SLC9A7: variants seen among roughly 807,000 people sequenced by gnomAD.
SLC9A7 encodes solute carrier family 9 member A7, also known as sodium/hydrogen exchanger 7.
In SLC9A7, 19 loss-of-function variants were observed where a neutral mutation model predicts 52.6. That is an observed-to-expected ratio of 0.36 (90% CI 0.25 to 0.53). The LOEUF is 0.53. Among genes scored for constraint, SLC9A7 ranks in the 20% least tolerant of loss-of-function variants. The probability of loss-of-function intolerance (pLI) is 0.91; values close to 1 mark genes in which losing one functional copy is unlikely to be tolerated. For missense variants in SLC9A7, 455 were observed against 597.9 expected, an observed-to-expected ratio of 0.76 and a Z score of 2.49; for synonymous variants, 226 against 252.1, an observed-to-expected ratio of 0.90 and a Z score of 0.98.
chrX:46,614,171 G>C (rs910698229), intron 15 of SLC9A7, among the ~76,000 whole-genome samples: 1 of 111,489 alleles, frequency 9.0e-6, no homozygotes, highest in African/African-American at 3.3e-5. Context: ...TTATGATGCA[G>C]TTACATCCCA....
intron 14 of SLC9A7, among the ~76,000 whole-genome samples, chrX:46,627,792 T>G (rs1943157193): frequency 4.8e-5 from 5 of 103,098 alleles, no homozygotes; most frequent in Admixed American, 1.0e-4. Flanking sequence ...GGGGGGGCGG[T>G]GGTCACAGAG....
intron 13 of SLC9A7, among the ~76,000 whole-genome samples, chrX:46,633,541 G>C (rs1012583263): frequency 9.2e-6 from 1 of 109,130 alleles, no homozygotes; most frequent in African/African-American, 3.3e-5. Context: ...TTCCTACAAA[G>C]AGCCCCACCC....
chrX:46,697,930 G>C (rs1052571417), intron 1 of SLC9A7, among the ~76,000 whole-genome samples: 1 of 111,243 alleles, frequency 9.0e-6, no homozygotes, highest in African/African-American at 3.3e-5. Flanking sequence ...TGGCCCCCCT[G>C]GGCATGGCCA....
intron 1 of SLC9A7, among the ~76,000 whole-genome samples, chrX:46,686,705 T>C (rs1944300576): frequency 8.9e-6 from 1 of 111,735 alleles, no homozygotes; most frequent in African/African-American, 3.3e-5. Flanking sequence ...CAGCCTAGTG[T>C]TCTAGATCAC....
At chrX:46,738,059 GAAAGAA>G (rs1945155411) in intron 1 of SLC9A7, among the ~76,000 whole-genome samples, 1 of 60,910 alleles carries the variant, frequency 1.6e-5, no homozygotes. Flanking sequence ...AAGAAAGAAA[GAAAGAA>G]AGAAAGAAAG....
intron 15 of SLC9A7, among the ~76,000 whole-genome samples, chrX:46,618,137 A>T (rs1427965165): frequency 9.0e-6 from 1 of 111,594 alleles, no homozygotes; most frequent in Non-Finnish European, 1.9e-5. Context: ...GAAACAGAGC[A>T]GAGCATTTGG....
At chrX:46,633,586 G>C (rs1306768127) in intron 13 of SLC9A7, among the ~76,000 whole-genome samples, 2 of 109,345 alleles carry the variant, frequency 1.8e-5, no homozygotes, top group Non-Finnish European at 3.8e-5. Flanking sequence ...TGATCTCTGG[G>C]AAGAGGAGGT....
chrX:46,658,516 C>T (rs1458857226), intron 7 of SLC9A7, among the ~76,000 whole-genome samples: 32 of 108,918 alleles, frequency 2.9e-4, no homozygotes, highest in African/African-American at 8.0e-4. Context: ...ATCAAATAGA[C>T]GCAATAAAAA....
chrX:46,670,300 C>G (rs765342150), intron 4 of SLC9A7, among the ~76,000 whole-genome samples: 2 of 112,226 alleles, frequency 1.8e-5, no homozygotes, highest in South Asian at 7.4e-4. Flanking sequence ...GGCTTTCACT[C>G]TTTGCATGGG....
At chrX:46,707,030 C>T (rs921847939) in intron 1 of SLC9A7, among the ~76,000 whole-genome samples, 10 of 111,473 alleles carry the variant, frequency 9.0e-5, no homozygotes, top group Admixed American at 2.9e-4. Context: ...CGTGAACCAC[C>T]GCACCCAGCC....
chrX:46,731,240 C>T (rs935201339), intron 1 of SLC9A7, among the ~76,000 whole-genome samples: 1 of 106,556 alleles, frequency 9.4e-6, no homozygotes, highest in African/African-American at 3.4e-5. Context: ...GGTGTTGGGA[C>T]AATTTGGTAG....
At chrX:46,684,180 T>C (rs954970628) in intron 1 of SLC9A7, among the ~76,000 whole-genome samples, 2 of 112,169 alleles carry the variant, frequency 1.8e-5, no homozygotes, top group African/African-American at 6.5e-5. Context: ...TTTAAAGGCA[T>C]ATAAGAAAAA....
chrX:46,716,388 C>T (rs749769513), intron 1 of SLC9A7, among the ~76,000 whole-genome samples: 1 of 111,807 alleles, frequency 8.9e-6, no homozygotes, highest in African/African-American at 3.3e-5. Flanking sequence ...CTATTGCCTG[C>T]CTTAATTCAA....
intron 1 of SLC9A7, among the ~76,000 whole-genome samples, chrX:46,723,966 G>A (rs753516698): frequency 9.8e-5 from 11 of 111,729 alleles, no homozygotes; most frequent in Non-Finnish European, 1.5e-4. Context: ...GATGGCGCAC[G>A]CCTGTAGCCC....
At chrX:46,611,525 C>A (rs1325007044) in intron 16 of SLC9A7, among the ~76,000 whole-genome samples, 1 of 112,722 alleles carries the variant, frequency 8.9e-6, no homozygotes, top group Non-Finnish European at 1.9e-5. Context: ...GCTACTGCCA[C>A]ATTTGGTGAA....
At position 46,614,103 on chromosome X, in the gene SLC9A7, G is replaced by A. The variant is rs184264111; in HGVS notation, c.1824-709C>T. Among the ~76,000 whole-genome samples, 278 of 111,621 alleles carry A rather than the reference G, an allele frequency of 2.5e-3. 1 individual carries two copies. The highest frequency in any genetic ancestry group is 8.5e-3 in the African/African-American group (261 of 30,687). On this transcript the variant is annotated intron_variant, in intron 15 of 16. Transcript: ENST00000616978. ...TCTTTGTTATGGGGGGCTATTCTGT[G>A]TATGGTAGGATATTGAGCAGCATCC...
rs1315387945 is a variant in SLC9A7 at position 46,651,176 on chromosome X, G to A, written c.1284C>T (p.Tyr428=). The A allele has an allele frequency of 9.9e-6, 12 of 1,210,079 alleles. No homozygotes were observed. The highest frequency in any genetic ancestry group is 8.7e-5 in the African/African-American group (5 of 57,633). Residue 428 remains tyrosine, a synonymous_variant, in exon 10 of 17, where the codon TAC becomes TAT. Transcript: ENST00000616978. ...HFLAENFIFS[Y]MGLALFTFQK... Reference sequence around the variant, plus strand: ...GGAAGGTAAACAGTGCCAGGCCCATGTAGGAGAAGATGAAGTTCTCTGCCA... The same window carrying A: ...GGAAGGTAAACAGTGCCAGGCCCATATAGGAGAAGATGAAGTTCTCTGCCA...
At chrX:46,752,966 T>C (rs1254243733) in intron 1 of SLC9A7, among the ~76,000 whole-genome samples, 3 of 112,483 alleles carry the variant, frequency 2.7e-5, no homozygotes, top group African/African-American at 9.7e-5. Flanking sequence ...AACTTTTTAA[T>C]ATTCTAAGAA....
At chrX:46,661,820 A>G (rs1427175415) in intron 7 of SLC9A7, among the ~76,000 whole-genome samples, 196 bp downstream of exon 7, 1 of 111,922 alleles carries the variant, frequency 8.9e-6, no homozygotes, top group African/African-American at 3.3e-5. Flanking sequence ...TTGCATTCCT[A>G]AACATTTTCT....
Sources: allele counts gnomAD v4.1 joint callset (sites outside exome capture counted in the v4.1 genomes callset), GRCh38; gene constraint gnomAD v4.1.1; transcripts MANE v1.5; gene names NCBI Gene and HGNC (gene_info 2026-07-23, HGNC 2026-07-21).